THSD4: variants seen among roughly 807,000 people sequenced by gnomAD.
THSD4 encodes the protein thrombospondin type-1 domain-containing protein 4.
Under a neutral mutation model 119.0 loss-of-function variants are expected in THSD4, and 69 were observed. The ratio of observed to expected loss-of-function variants is 0.58; its 90% confidence interval spans 0.48 to 0.71. The LOEUF is 0.71. THSD4 is among the 30% of genes least tolerant of loss of function. The pLI, the probability that THSD4 is intolerant of heterozygous loss-of-function variation, is 0.00. For synonymous variants in THSD4, 524 were observed against 540.4 expected (o/e 0.97, Z 0.42); for missense variants, 1,393 against 1,391.1 (o/e 1.00, Z -0.02).
At chr15:71,538,999 T>C (rs936289894) in intron 7 of THSD4, among the ~76,000 whole-genome samples, 17 of 152,242 alleles carry the variant, frequency 1.1e-4, no homozygotes, top group African/African-American at 4.1e-4. Flanking sequence ...CCTAACTGCA[T>C]GGCTGCCCTG....
intron 7 of THSD4, among the ~76,000 whole-genome samples, chr15:71,641,780 A>G (rs946288572): frequency 3.9e-5 from 6 of 152,202 alleles, no homozygotes; most frequent in South Asian, 4.1e-4. Context: ...CTGTTTTCAC[A>G]AGAAAACCAA....
At chr15:71,686,779 C>T (rs2051920099) in intron 8 of THSD4, among the ~76,000 whole-genome samples, 1 of 152,188 alleles carries the variant, frequency 6.6e-6, no homozygotes, top group Admixed American at 6.5e-5. Context: ...TTAGGCTTTG[C>T]AGTCCCTATG....
chr15:71,300,192 A>T (rs2044929270), intron 6 of THSD4, among the ~76,000 whole-genome samples: 1 of 151,970 alleles, frequency 6.6e-6, no homozygotes, highest in Admixed American at 6.5e-5. Context: ...AGTTTTTTAA[A>T]AAAGAACAGT....
intron 7 of THSD4, among the ~76,000 whole-genome samples, chr15:71,607,837 C>G (rs1188182524): frequency 1.3e-5 from 2 of 152,158 alleles, no homozygotes; most frequent in Non-Finnish European, 2.9e-5. Flanking sequence ...GAGAGGAGGA[C>G]AGGACTCATG....
Position 71,144,929 on chromosome 15 carries a change from C to T in THSD4, c.29+3373C>T, listed in dbSNP as rs984930976. Among the ~76,000 whole-genome samples the T allele has an allele frequency of 5.3e-5, 8 of 151,988 alleles. 1 individual carries two copies. The highest frequency in any genetic ancestry group is 1.9e-4 in the East Asian group (1 of 5,166). ...ATCCTTAATGAGGAATGTTTGTCAC[C>T]TGTTAAAAATTAGAAAGGAAATGGC... On this transcript the variant is annotated intron_variant, in intron 2 of 17. Transcript: ENST00000261862.
At chr15:71,133,996 C>T (rs941583331) in intron 1 of THSD4, among the ~76,000 whole-genome samples, 1 of 152,206 alleles carries the variant, frequency 6.6e-6, no homozygotes, top group Non-Finnish European at 1.5e-5. Context: ...TGCTTGAAAG[C>T]TGCCAGGGAG....
At chr15:71,714,438 G>C (rs1046229703) in intron 8 of THSD4, among the ~76,000 whole-genome samples, 2 of 152,162 alleles carry the variant, frequency 1.3e-5, no homozygotes, top group Non-Finnish European at 2.9e-5. Context: ...ATAGGTTAAT[G>C]GATAAGCTTT....
At chr15:71,185,838 C>T (rs1419217426) in intron 3 of THSD4, 1 of 152,104 alleles carries the variant, frequency 6.6e-6, no homozygotes, top group Non-Finnish European at 1.5e-5. Flanking sequence ...CCTGGAAGAG[C>T]CCGGAGCCTA....
At chr15:71,199,758 A>G (rs1195460127) in intron 3 of THSD4, among the ~76,000 whole-genome samples, 284 of 33,030 alleles carry the variant, frequency 8.6e-3, no homozygotes, top group East Asian at 0.018. Flanking sequence ...GGTGTGTGTG[A>G]TGTGTGTGGT....
chr15:71,299,100 TGAC>T (rs1376678020), intron 6 of THSD4, among the ~76,000 whole-genome samples: 1 of 152,170 alleles, frequency 6.6e-6, no homozygotes, highest in Non-Finnish European at 1.5e-5. Flanking sequence ...CATAGCAGAA[TGAC>T]CATTAAAAGA....
intron 6 of THSD4, among the ~76,000 whole-genome samples, chr15:71,302,500 A>T (rs2044965155): frequency 6.7e-6 from 1 of 148,424 alleles, no homozygotes; most frequent in African/African-American, 2.5e-5. Context: ...GATGCATGAG[A>T]TGTGGCCACA....
In THSD4 at chr15:71,241,294, T is replaced by G. The variant is rs531713609; in HGVS notation, c.465-1355T>G. Among the ~76,000 whole-genome samples the G allele has an allele frequency of 1.1e-3, 172 of 152,338 alleles. 1 individual carries two copies. The highest frequency in any genetic ancestry group is 5.6e-3 in the South Asian group (27 of 4,824). ...TAAAAGTAAGTAAGAGTTAGTTGACTTACTTAAGTCCTTCCACAGAGATTT... is the reference window on the plus strand; with the variant it reads ...TAAAAGTAAGTAAGAGTTAGTTGACGTACTTAAGTCCTTCCACAGAGATTT... On this transcript the variant is annotated intron_variant, in intron 4 of 17. Transcript: ENST00000261862.
At chr15:71,440,491 C>G (rs1294300735) in intron 7 of THSD4, among the ~76,000 whole-genome samples, 1 of 152,176 alleles carries the variant, frequency 6.6e-6, no homozygotes, top group African/African-American at 2.4e-5. Context: ...TAAACTCTTT[C>G]TATTTTTGGA....
At chr15:71,471,323 C>G (rs1168693893) in intron 7 of THSD4, among the ~76,000 whole-genome samples, 2 of 152,164 alleles carry the variant, frequency 1.3e-5, no homozygotes, top group African/African-American at 4.8e-5. Context: ...AGGGGAGGGA[C>G]AGGTGACAGA....
chr15:71,532,281 A>AGAGAGAGAGT (rs1555423940), intron 7 of THSD4, among the ~76,000 whole-genome samples: 16 of 113,140 alleles, frequency 1.4e-4, no homozygotes, highest in African/African-American at 4.6e-4. Context: ...AGAGAGAGAG[A>AGAGAGAGAGT]GAGTGTGTGT....
At chr15:71,652,438 A>G (rs888322674) in intron 7 of THSD4, among the ~76,000 whole-genome samples, 12 of 152,228 alleles carry the variant, frequency 7.9e-5, no homozygotes, top group African/African-American at 2.9e-4. Context: ...TAATAGAGCA[A>G]TTATCACTGT....
chr15:71,236,285 C>G (rs1174324288), intron 4 of THSD4, among the ~76,000 whole-genome samples: 1 of 152,228 alleles, frequency 6.6e-6, no homozygotes, highest in Admixed American at 6.5e-5. Flanking sequence ...AGGTAGGAAG[C>G]CCCCCTATAG....
At chr15:71,678,737 C>T (rs1007335655) in intron 8 of THSD4, among the ~76,000 whole-genome samples, 11 of 152,108 alleles carry the variant, frequency 7.2e-5, no homozygotes, top group Non-Finnish European at 1.6e-4. Flanking sequence ...CTACTCTGTC[C>T]CCAAGCCAGA....
intron 5 of THSD4, among the ~76,000 whole-genome samples, chr15:71,252,552 C>T (rs905635291): frequency 3.3e-5 from 5 of 152,226 alleles, no homozygotes; most frequent in Admixed American, 6.5e-5. Context: ...TAGCCCTATC[C>T]TGACAAGACA....
Sources: allele counts gnomAD v4.1 joint callset (sites outside exome capture counted in the v4.1 genomes callset), GRCh38; gene constraint gnomAD v4.1.1; transcripts MANE v1.5; gene names NCBI Gene and HGNC (gene_info 2026-07-23, HGNC 2026-07-21).